The following SOX5 variants were observed in gnomAD, a reference collection of about 807,000 sequenced individuals.
The protein encoded by SOX5 is SRY-box transcription factor 5.
A neutral mutation model predicts 92.0 loss-of-function variants in SOX5; 9 were observed. That is an observed-to-expected ratio of 0.10 (90% CI 0.06 to 0.17). The LOEUF is 0.17. Ranked by LOEUF, SOX5 falls within the 10% of genes least tolerant of loss-of-function variation. SOX5 has a pLI of 1.00. For missense variants in SOX5, 642 were observed against 944.5 expected, an observed-to-expected ratio of 0.68 and a Z score of 4.20; for synonymous variants, 344 against 336.3, an observed-to-expected ratio of 1.02 and a Z score of -0.25.
intron 3 of SOX5, among the ~76,000 whole-genome samples, chr12:24,255,845 A>G (rs1941073906): frequency 6.6e-6 from 1 of 152,234 alleles, no homozygotes; most frequent in Admixed American, 6.5e-5. Flanking sequence ...TAAAATAATT[A>G]TTTCATAAAG....
chr12:23,595,618 CAAAAAAAAAAA>C (rs747265656), intron 9 of SOX5, among the ~76,000 whole-genome samples: 6 of 46,320 alleles, frequency 1.3e-4, no homozygotes, highest in African/African-American at 2.7e-4. Context: ...GACTCTGCCT[CAAAAAAAAAAA>C]AAAAAAAAAA....
At chr12:24,309,572 C>T (rs1646252790) in intron 2 of SOX5, among the ~76,000 whole-genome samples, 2 of 151,946 alleles carry the variant, frequency 1.3e-5, no homozygotes, top group Admixed American at 6.6e-5. Flanking sequence ...TTTTAAGGTA[C>T]CCATTTTTAA....
At chr12:23,882,996 A>G (rs2097014825) in intron 2 of SOX5, among the ~76,000 whole-genome samples, 1 of 152,102 alleles carries the variant, frequency 6.6e-6, no homozygotes, top group Non-Finnish European at 1.5e-5. Flanking sequence ...CCTGGCTAAC[A>G]CAGTGAAACC....
intron 3 of SOX5, among the ~76,000 whole-genome samples, chr12:23,786,877 G>GT (rs1245993075): frequency 1.4e-5 from 2 of 145,510 alleles, no homozygotes; most frequent in East Asian, 2.0e-4. Flanking sequence ...CTATTAACAT[G>GT]TTTTTTTCTT....
chr12:24,002,823 T>A (rs1951742994), intron 4 of SOX5, among the ~76,000 whole-genome samples: 2 of 152,106 alleles, frequency 1.3e-5, no homozygotes, highest in Non-Finnish European at 2.9e-5. Flanking sequence ...CAATTTATTT[T>A]ATGAAGTCAG....
chr12:23,881,559 A>C (rs1025576862), intron 2 of SOX5, among the ~76,000 whole-genome samples: 2 of 152,164 alleles, frequency 1.3e-5, no homozygotes, highest in African/African-American at 4.8e-5. Context: ...TTTATATTTC[A>C]ATCTGTCGTG....
chr12:23,820,436 C>G (rs2096084863), intron 3 of SOX5, among the ~76,000 whole-genome samples: 3 of 152,182 alleles, frequency 2.0e-5, no homozygotes, highest in Admixed American at 1.3e-4. Flanking sequence ...AATTAGATCC[C>G]ATTTGTCAAT....
At chr12:24,542,568 GACTCCTCTAGTAACCC>G (rs1355230353) in intron 1 of SOX5, among the ~76,000 whole-genome samples, 1 of 152,170 alleles carries the variant, frequency 6.6e-6, no homozygotes, top group Non-Finnish European at 1.5e-5. Context: ...ATGGCAGAAA[GACTCCTCTAGTAACCC>G]ACACCATCCT....
At chr12:24,515,066 A>C (rs1443025710) in intron 1 of SOX5, among the ~76,000 whole-genome samples, 1 of 152,252 alleles carries the variant, frequency 6.6e-6, no homozygotes, top group Non-Finnish European at 1.5e-5. Flanking sequence ...AGACTATTTC[A>C]AATATTTAAA....
chr12:23,980,280 A>G (rs1406233152), intron 4 of SOX5, among the ~76,000 whole-genome samples: 1 of 152,172 alleles, frequency 6.6e-6, no homozygotes, highest in Non-Finnish European at 1.5e-5. Context: ...GCTTTTGCAT[A>G]ATATAAAGTG....
chr12:24,160,306 A>G (rs2138973191), intron 4 of SOX5, among the ~76,000 whole-genome samples: 1 of 152,164 alleles, frequency 6.6e-6, no homozygotes, highest in African/African-American at 2.4e-5. Flanking sequence ...ATAGAAGAAA[A>G]AGAATCACTA....
chr12:24,439,165 G>C (rs1677833238), intron 1 of SOX5, among the ~76,000 whole-genome samples: 1 of 152,188 alleles, frequency 6.6e-6, no homozygotes, highest in African/African-American at 2.4e-5. Context: ...ACTCACTGAA[G>C]GTTCAGATGA....
At chr12:24,436,594 G>A (rs554646385) in intron 1 of SOX5, among the ~76,000 whole-genome samples, 1 of 152,330 alleles carries the variant, frequency 6.6e-6, no homozygotes, top group Non-Finnish European at 1.5e-5. Flanking sequence ...TAACATAAAA[G>A]TGCAAGGGGA....
At chr12:24,113,719 C>G (rs989685817) in intron 4 of SOX5, among the ~76,000 whole-genome samples, 1 of 152,156 alleles carries the variant, frequency 6.6e-6, no homozygotes, top group Admixed American at 6.5e-5. Flanking sequence ...GAAAGAATGA[C>G]AAAGCAAAAT....
chr12:24,040,055 T>G (rs1237587393), intron 4 of SOX5, among the ~76,000 whole-genome samples: 1 of 152,196 alleles, frequency 6.6e-6, no homozygotes, highest in African/African-American at 2.4e-5. Flanking sequence ...ATTTAATTCA[T>G]GTCAATGTGA....
At chr12:24,156,791 A>T (rs1952220028) in intron 4 of SOX5, among the ~76,000 whole-genome samples, 1 of 152,182 alleles carries the variant, frequency 6.6e-6, no homozygotes, top group Non-Finnish European at 1.5e-5. Flanking sequence ...TAAAGGTATT[A>T]CCATATTCTT....
intron 11 of SOX5, among the ~76,000 whole-genome samples, chr12:23,552,032 G>C (rs1944314368): frequency 6.6e-6 from 1 of 151,874 alleles, no homozygotes; most frequent in African/African-American, 2.4e-5. Flanking sequence ...GTAGAAATTT[G>C]AGAGTTTTGG....
intron 4 of SOX5, among the ~76,000 whole-genome samples, chr12:24,042,355 C>T (rs1428842021): frequency 6.6e-6 from 1 of 152,054 alleles, no homozygotes; most frequent in Non-Finnish European, 1.5e-5. Context: ...AAACAGGTTG[C>T]ACCATATTTA....
intron 2 of SOX5, among the ~76,000 whole-genome samples, chr12:24,355,026 C>T (rs552500219): frequency 2.5e-4 from 38 of 152,124 alleles, no homozygotes; most frequent in African/African-American, 8.9e-4. Flanking sequence ...TTTAAAACCT[C>T]GTTAATGAAG....
Sources: allele counts gnomAD v4.1 joint callset (sites outside exome capture counted in the v4.1 genomes callset), GRCh38; gene constraint gnomAD v4.1.1; transcripts MANE v1.5; gene names NCBI Gene and HGNC (gene_info 2026-07-23, HGNC 2026-07-21).